Variants in ADORA2B observed in about 807,000 individuals in gnomAD.
The protein encoded by ADORA2B is adenosine receptor A2b.
Under a neutral mutation model 20.8 loss-of-function variants are expected in ADORA2B, and 18 were observed. The observed-to-expected ratio is 0.87, with a 90% CI of 0.60 to 1.29. The LOEUF (loss-of-function observed/expected upper bound fraction) is 1.29, where lower values mean the gene tolerates loss of function less well. Among genes scored for constraint, ADORA2B ranks in the 50% most tolerant of loss-of-function variants. ADORA2B has a pLI of 0.00. For missense variants in ADORA2B, 441 were observed against 422.7 expected (o/e 1.04, Z -0.38); for synonymous variants, 179 against 178.3 (o/e 1.00, Z -0.03).
chr17:15,945,263 A>C lies in ADORA2B; in HGVS notation c.15A>C (p.Thr5=). 6.7e-7 allele frequency: 1 copy of C among 1,489,926 alleles called. No homozygotes were observed. The highest frequency in any genetic ancestry group is 8.9e-7 in the Non-Finnish European group (1 of 1,121,796). The allele number at this position is 1,489,926 out of a possible 1,614,324, so 92.3% of individuals were successfully genotyped here. A position where few individuals can be genotyped will look rare whatever the true frequency, so the allele number is the denominator to read the frequency against. MLLE[T]QDALYVALEL... ...CTGGCCCGGCCATGCTGCTGGAGAC[A>C]CAGGACGCGCTGTACGTGGCGCTGG... The change falls in exon 1 of 2, where the codon ACA becomes ACC. Residue 5 remains threonine (T), a synonymous_variant. Coordinates refer to ENST00000304222, the MANE Select transcript of ADORA2B (RefSeq NM_000676.4).
At chr17:15,925,723 A>G in the ADORA2B span, among the ~76,000 whole-genome samples, 58 of 152,266 alleles carry the variant, frequency 3.8e-4, no homozygotes, top group African/African-American at 1.4e-3. Flanking sequence ...ACCAGACAGC[A>G]CTTTGGGAGG....
At chr17:15,963,208 G>A (rs567023931) in intron 1 of ADORA2B, among the ~76,000 whole-genome samples, 8 of 152,216 alleles carry the variant, frequency 5.3e-5, no homozygotes, top group Admixed American at 4.6e-4. Flanking sequence ...ACCATTTCAC[G>A]ACTGTCATAG....
chr17:15,972,888 T>C (rs1970205736), intron 1 of ADORA2B, among the ~76,000 whole-genome samples: 1 of 152,174 alleles, frequency 6.6e-6, no homozygotes, highest in Admixed American at 6.5e-5. Flanking sequence ...TCTCCCGAAA[T>C]AGCTGGAACC....
At chr17:15,874,162 C>T in the ADORA2B span, among the ~76,000 whole-genome samples, 1 of 150,678 alleles carries the variant, frequency 6.6e-6, no homozygotes, top group Non-Finnish European at 1.5e-5. Context: ...GAAATAATGT[C>T]TTTTGCAACA....
the ADORA2B span, among the ~76,000 whole-genome samples, chr17:15,865,188 GTT>G: frequency 1.3e-5 from 2 of 152,340 alleles, no homozygotes; most frequent in Middle Eastern, 3.4e-3. Flanking sequence ...CCTGGTATAA[GTT>G]TAAGTTTTTT....
chr17:15,904,989 G>A, the ADORA2B span, among the ~76,000 whole-genome samples: 1 of 151,868 alleles, frequency 6.6e-6, no homozygotes, highest in South Asian at 2.1e-4. Flanking sequence ...AGTCTTCTTT[G>A]TTCTTTTCAG....
chr17:15,932,322 G>A, the ADORA2B span, among the ~76,000 whole-genome samples: 2 of 151,608 alleles, frequency 1.3e-5, no homozygotes, highest in East Asian at 1.9e-4. Flanking sequence ...GTGAAACCCC[G>A]TCTCTACTAA....
chr17:15,935,527 GTAGA>G, the ADORA2B span, among the ~76,000 whole-genome samples: 1 of 152,100 alleles, frequency 6.6e-6, no homozygotes, highest in African/African-American at 2.4e-5. Flanking sequence ...GTGTCTAGGT[GTAGA>G]TATCTTTGAT....
chr17:15,876,449 C>CTTTTTTTTTTTTTT, the ADORA2B span, among the ~76,000 whole-genome samples: 4 of 119,300 alleles, frequency 3.4e-5, no homozygotes, highest in Non-Finnish European at 5.2e-5. Flanking sequence ...TTTCTTTTTT[C>CTTTTTTTTTTTTTT]TTTTTTTTTT....
chr17:15,945,461 C>G lies in ADORA2B; in HGVS notation c.213C>G (p.Phe71Leu). The G allele has an allele frequency of 1.2e-6, 2 of 1,613,650 alleles. No homozygotes were observed. The highest frequency in any genetic ancestry group is 1.7e-6 in the Non-Finnish European group (2 of 1,179,964). Reference sequence around the variant, plus strand: ...TTGCCATCACCATCAGCCTGGGCTTCTGCACTGACTTCTACGGCTGCCTCT... The same window carrying G: ...TTGCCATCACCATCAGCCTGGGCTTGTGCACTGACTTCTACGGCTGCCTCT... Reference protein sequence around the residue: ...IPFAITISLGFCTDFYGCLFL... With the variant: ...IPFAITISLGLCTDFYGCLFL... The change falls in exon 1 of 2, where the codon TTC (phenylalanine) becomes TTG (leucine). Residue 71 changes from phenylalanine (F) to leucine (L), a missense_variant. Coordinates refer to ENST00000304222, the MANE Select transcript of ADORA2B (RefSeq NM_000676.4).
At chr17:15,863,481 GACTACAGGTGTGCGCT>G in the ADORA2B span, among the ~76,000 whole-genome samples, 1 of 151,898 alleles carries the variant, frequency 6.6e-6, no homozygotes, top group Non-Finnish European at 1.5e-5. Flanking sequence ...GAATAGCTGG[GACTACAGGTGTGCGCT>G]ACCATGCCCA....
chr17:15,967,943 G>T (rs1970141676), intron 1 of ADORA2B, among the ~76,000 whole-genome samples: 1 of 152,204 alleles, frequency 6.6e-6, no homozygotes, highest in Non-Finnish European at 1.5e-5. Context: ...ACTCAGCAAA[G>T]CCTATCTGTT....
At chr17:15,881,653 ACCT>A in the ADORA2B span, among the ~76,000 whole-genome samples, 1 of 152,164 alleles carries the variant, frequency 6.6e-6, no homozygotes, top group African/African-American at 2.4e-5. Context: ...CATTCTGGGC[ACCT>A]CATAGACGTG....
intron 1 of ADORA2B, among the ~76,000 whole-genome samples, chr17:15,959,270 C>T (rs1239941372): frequency 6.6e-6 from 1 of 152,062 alleles, no homozygotes; most frequent in African/African-American, 2.4e-5. Flanking sequence ...TTAAAAATTA[C>T]AAAATGAGTA....
the ADORA2B span, among the ~76,000 whole-genome samples, chr17:15,899,850 T>G: frequency 6.6e-6 from 1 of 152,014 alleles, no homozygotes; most frequent in Admixed American, 6.6e-5. Flanking sequence ...TTTTTTTTTT[T>G]GAGACAGAGT....
At chr17:15,919,917 T>C in the ADORA2B span, among the ~76,000 whole-genome samples, 3 of 152,154 alleles carry the variant, frequency 2.0e-5, no homozygotes, top group Admixed American at 6.5e-5. Flanking sequence ...CTAGACAAGA[T>C]TGATTGTAAT....
the ADORA2B span, among the ~76,000 whole-genome samples, chr17:15,897,981 T>C: frequency 0.03 from 4,517 of 152,308 alleles, 214 homozygotes; most frequent in African/African-American, 0.1. Context: ...AGTAAAACTT[T>C]AACCATTAAA....
chr17:15,887,843 C>T, the ADORA2B span, among the ~76,000 whole-genome samples: 10 of 117,710 alleles, frequency 8.5e-5, 2 homozygotes, highest in Non-Finnish European at 1.2e-4. Flanking sequence ...CCCAGCTACT[C>T]GGGAGGCTGA....
chr17:15,872,175 TG>T, the ADORA2B span, among the ~76,000 whole-genome samples: 1 of 152,094 alleles, frequency 6.6e-6, no homozygotes, highest in East Asian at 1.9e-4. Flanking sequence ...TTCTATTGTG[TG>T]ATGAAAATGT....
Sources: allele counts gnomAD v4.1 joint callset (sites outside exome capture counted in the v4.1 genomes callset), GRCh38; gene constraint gnomAD v4.1.1; transcripts MANE v1.5; gene names NCBI Gene and HGNC (gene_info 2026-07-23, HGNC 2026-07-21).